The following CRY1 variants were observed in gnomAD, a reference collection of about 807,000 sequenced individuals.
CRY1 encodes cryptochrome-1.
In CRY1, 45 loss-of-function variants were observed where a neutral mutation model predicts 76.0. The ratio of observed to expected loss-of-function variants is 0.59; its 90% CI spans 0.47 to 0.76. The LOEUF is 0.76. CRY1 is among the 30% of genes least tolerant of loss of function. The pLI is 0.00. For synonymous variants in CRY1, 248 were observed against 244.0 expected (o/e 1.02, Z -0.15); for missense variants, 587 against 716.4 (o/e 0.82, Z 2.06).
intron 1 of CRY1, among the ~76,000 whole-genome samples, chr12:107,039,935 A>C (rs1012017083): frequency 1.3e-5 from 2 of 152,244 alleles, no homozygotes; most frequent in Non-Finnish European, 2.9e-5. Flanking sequence ...AGAAAATATT[A>C]TACATACATA....
intron 1 of CRY1, among the ~76,000 whole-genome samples, chr12:107,040,770 T>C (rs1435116164): frequency 6.6e-6 from 1 of 152,146 alleles, no homozygotes; most frequent in Non-Finnish European, 1.5e-5. Context: ...GAATCCTAAA[T>C]CTGACGTGAT....
chr12:107,007,859 A>G (rs1952393432), intron 2 of CRY1, among the ~76,000 whole-genome samples: 3 of 152,164 alleles, frequency 2.0e-5, no homozygotes, highest in Non-Finnish European at 4.4e-5. Flanking sequence ...GAAAAACATT[A>G]TTTTAAATCT....
chr12:107,022,303 T>C (rs1171271772), intron 1 of CRY1, 111 bp from the exon 2 acceptor site: 4 of 523,634 alleles, frequency 7.6e-6, no homozygotes, highest in Non-Finnish European at 1.3e-5. Context: ...TATCATCTTA[T>C]TACCTCCTAT....
intron 2 of CRY1, among the ~76,000 whole-genome samples, chr12:107,017,299 T>C (rs1386303231): frequency 6.6e-6 from 1 of 152,254 alleles, no homozygotes; most frequent in African/African-American, 2.4e-5. Context: ...ATCATGCACA[T>C]GTCTACTTCA....
At chr12:106,997,861 A>T (rs1952251159) in intron 8 of CRY1, 54 bp downstream of exon 8, 1 of 1,587,414 alleles carries the variant, frequency 6.3e-7, no homozygotes, top group Non-Finnish European at 8.6e-7. Flanking sequence ...TAAACATGAA[A>T]AGCTCTTCTT....
Position 106,999,951 on chromosome 12 carries a change from G to A in CRY1, c.816C>T (p.Leu272=), listed in dbSNP as rs1230861188. Residue 272 remains leucine (L), a synonymous_variant, in exon 6 of 13, where the codon CTC becomes CTT. Transcript: ENST00000008527. ...TAATTTTAGAGAATACCTTTTTGTA[G>A]AGATCTGTTAGTTTGAAGTAAAACA... ...CRLFYFKLTD[L]YKKVKKNSSP... 6.2e-7 allele frequency: 1 copy of A among 1,604,526 alleles called. No individual in the cohort carries two copies. Among genetic ancestry groups the A allele is most frequent in the Non-Finnish European group, 8.5e-7 (1 of 1,177,872 alleles).
At chr12:107,027,428 C>A (rs1041896939) in intron 1 of CRY1, among the ~76,000 whole-genome samples, 1 of 152,126 alleles carries the variant, frequency 6.6e-6, no homozygotes, top group African/African-American at 2.4e-5. Flanking sequence ...CTGCTATTAA[C>A]TACATACAAC....
intron 1 of CRY1, chr12:107,043,046 T>A (rs568649699): frequency 1.9e-4 from 29 of 152,242 alleles, no homozygotes; most frequent in African/African-American, 6.0e-4. Flanking sequence ...CATCGTAGAA[T>A]TGGAACTATG....
chr12:107,080,421 C>T (rs760447583), intron 1 of CRY1, among the ~76,000 whole-genome samples: 5 of 151,920 alleles, frequency 3.3e-5, no homozygotes, highest in South Asian at 2.1e-4. Flanking sequence ...GAATTCTGGG[C>T]ATAGACGAGT....
intron 1 of CRY1, among the ~76,000 whole-genome samples, chr12:107,029,094 G>A (rs939402822): frequency 6.6e-6 from 1 of 152,124 alleles, no homozygotes; most frequent in Non-Finnish European, 1.5e-5. Context: ...TTTAGAGACA[G>A]GGTCTCGTTA....
intron 1 of CRY1, among the ~76,000 whole-genome samples, 176 bp downstream of exon 1, chr12:107,092,628 T>C (rs185017899): frequency 1.5e-3 from 232 of 152,324 alleles, no homozygotes; most frequent in African/African-American, 5.1e-3. Flanking sequence ...TCAGTACTCT[T>C]TGGCCAGAGA....
chr12:107,081,926 A>C (rs946058508), intron 1 of CRY1, among the ~76,000 whole-genome samples: 1 of 152,034 alleles, frequency 6.6e-6, no homozygotes, highest in Non-Finnish European at 1.5e-5. Flanking sequence ...GCCTAGCAAG[A>C]GGTATCTGAG....
Position 107,092,948 on chromosome 12 carries a change from G to C in CRY1, c.14C>G (p.Ala5Gly). 2 of 1,577,642 alleles carry C rather than the reference G, an allele frequency of 1.3e-6. No homozygotes were observed. Among genetic ancestry groups the C allele is most frequent in the Admixed American group, 1.8e-5 (1 of 55,284 alleles). The change falls in exon 1 of 13, where the codon GCC becomes GGC. Residue 5 changes from alanine (A) to glycine (G), a missense_variant. Physicochemically the swap from Ala to Gly is moderately conservative, Grantham distance 60 (BLOSUM62 0). Transcript: ENST00000008527. Reference protein sequence around the residue: MGVNAVHWFRKGLRL... With the variant: MGVNGVHWFRKGLRL... ...GAGCCCCTTTCGGAACCAGTGCACG[G>C]CGTTCACCCCCATGCCGGGGGGCGC...
At chr12:107,085,447 A>T (rs2136902299) in intron 1 of CRY1, among the ~76,000 whole-genome samples, 1 of 152,322 alleles carries the variant, frequency 6.6e-6, no homozygotes, top group South Asian at 2.1e-4. Flanking sequence ...GATAAAGAAA[A>T]TCTGGCACAT....
chr12:107,043,968 CTG>C (rs1952825422), intron 1 of CRY1, among the ~76,000 whole-genome samples: 1 of 152,172 alleles, frequency 6.6e-6, no homozygotes, highest in African/African-American at 2.4e-5. Flanking sequence ...CAGGCCAGAG[CTG>C]TGTTCTGCCT....
In CRY1 at chr12:106,997,524, GT is replaced by G. The variant is rs1242016717; in HGVS notation, c.1455del (p.Lys485AsnfsTer13). On this transcript the variant is annotated frameshift_variant, in exon 9 of 13. Transcript: ENST00000008527. LOFTEE classifies it high-confidence loss of function. ...TATCGTGAAAGCTGCTGATAGATCT[GT>G]TTCATCCTTTCGATATTCAAACGGC... ...EASRLNIERMKQIYQQLSRYR... is the reference protein window; with the variant it reads ...EASRLNIERMXQIYQQLSRYR... 6.2e-7 allele frequency: 1 copy of G among 1,614,040 alleles called. No homozygotes were observed. The highest frequency in any genetic ancestry group is 1.7e-5 in the Admixed American group (1 of 60,026).
chr12:107,040,673 G>A (rs1342217292), intron 1 of CRY1, among the ~76,000 whole-genome samples: 2 of 151,902 alleles, frequency 1.3e-5, no homozygotes. Context: ...CAACAGGGTA[G>A]ATCTCAATTA....
At chr12:107,016,350 T>C (rs747628336) in intron 2 of CRY1, among the ~76,000 whole-genome samples, 24 of 151,856 alleles carry the variant, frequency 1.6e-4, no homozygotes, top group Non-Finnish European at 3.2e-4. Flanking sequence ...AAGAAAGAAA[T>C]AGCACTCCCA....
intron 1 of CRY1, among the ~76,000 whole-genome samples, chr12:107,067,149 T>C (rs1408428291): frequency 1.3e-5 from 2 of 152,106 alleles, no homozygotes; most frequent in East Asian, 3.9e-4. Flanking sequence ...ATCTGACCTG[T>C]GGCCTGTTTT....
Sources: gnomAD v4.1 joint callset for allele counts (sites outside exome capture counted in the v4.1 genomes callset) on GRCh38, gnomAD v4.1.1 for gene constraint, MANE v1.5 for transcripts, NCBI Gene and HGNC (gene_info 2026-07-23, HGNC 2026-07-21) for gene names.